GFOD1: variants seen among roughly 807,000 people sequenced by gnomAD.
GFOD1 encodes glucose-fructose oxidoreductase domain-containing protein 1.
A neutral mutation model predicts 25.4 loss-of-function variants in GFOD1; 9 were observed. The observed-to-expected ratio is 0.35, with a 90% CI of 0.21 to 0.62. The LOEUF is 0.62. GFOD1 is among the 20% of genes least tolerant of loss of function. The pLI is 0.72. For synonymous variants in GFOD1, 253 were observed against 245.6 expected (o/e 1.03, Z -0.28); for missense variants, 403 against 556.9 (o/e 0.72, Z 2.78).
chr6:13,469,779 T>A, intron 1 of GFOD1: 1 of 1,139,606 alleles, frequency 8.8e-7, no homozygotes, highest in South Asian at 1.6e-5. Context: ...ATATTTAACC[T>A]CTCTACAGTG....
Position 13,486,822 on chromosome 6 carries a change from G to C in GFOD1, c.69C>G (p.Asp23Glu). ...TARVIIPLLK[D>E]EGFAVKALWG... ...ACAGCGCCTTCACCGCGAAGCCCTC[G>C]TCTTTCAGCAGCGGGATGATGACAC... The change falls in exon 1 of 2, where the codon GAC becomes GAG. Residue 23 changes from aspartate to glutamate, a missense_variant. Transcript: ENST00000379287. 6.2e-7 allele frequency: 1 copy of C among 1,613,832 alleles called. No homozygotes were observed. Among genetic ancestry groups the C allele is most frequent in the Non-Finnish European group, 8.5e-7 (1 of 1,179,990 alleles).
At chr6:13,375,996 C>T (rs1419450324) in intron 1 of GFOD1, among the ~76,000 whole-genome samples, 2 of 152,214 alleles carry the variant, frequency 1.3e-5, no homozygotes, top group Non-Finnish European at 2.9e-5. Context: ...CTCCTTCCAG[C>T]AGGGGCATTC....
chr6:13,475,871 T>C (rs1584674746), intron 1 of GFOD1, among the ~76,000 whole-genome samples: 1 of 149,298 alleles, frequency 6.7e-6, no homozygotes, highest in South Asian at 2.1e-4. Context: ...TTGCAGGGAG[T>C]TGAGATCATG....
chr6:13,367,814 C>T (rs76473511), intron 1 of GFOD1, among the ~76,000 whole-genome samples: 2,041 of 151,292 alleles, frequency 0.013, 38 homozygotes, highest in African/African-American at 0.043. Context: ...ATAAAACAGA[C>T]GCTAGGCAAA....
At chr6:13,438,244 T>C (rs1757863930) in intron 1 of GFOD1, among the ~76,000 whole-genome samples, 1 of 152,216 alleles carries the variant, frequency 6.6e-6, no homozygotes, top group South Asian at 2.1e-4. Context: ...ACAGTTGTGA[T>C]CTTCTGTTAA....
At position 13,410,799 on chromosome 6, in the gene GFOD1, A is replaced by T. The variant is rs906718465; in HGVS notation, c.254-45137T>A. ...TCTGACCAATTTGGATGGAAGGAGA[A>T]AAAGTGAGGAGAAAGAGGAAGAAGG... On this transcript the variant is annotated intron_variant, in intron 1 of 1. Transcript: ENST00000379287. Among the ~76,000 whole-genome samples, 5 of 151,566 alleles carry T rather than the reference A, an allele frequency of 3.3e-5. No homozygotes were observed. In the East Asian group the frequency reaches 9.8e-4, roughly 30 times the overall value.
rs1200542042 is a variant in GFOD1 at position 13,486,977 on chromosome 6, C to A, written c.-87G>T. On this transcript the variant is annotated 5_prime_UTR_variant, in exon 1 of 2. Coordinates refer to ENST00000379287, the MANE Select transcript of GFOD1 (RefSeq NM_018988.4). The stretch of plus-strand genomic sequence containing the variant: ...CCCACCTCTAGCCAGTCCTGCACCC[C>A]GCTCCTGTAGCCAATCTAGCCGCGG... The A allele has an allele frequency of 6.8e-6, 10 of 1,476,064 alleles. No homozygotes were observed. The Admixed American group carries it at 9.9e-5, about 15-fold the overall frequency. 91.4% of individuals were successfully genotyped at this position (1,476,064 alleles called of 1,614,324 possible). A position where few individuals can be genotyped will look rare whatever the true frequency, so the allele number is the denominator to read the frequency against.
At chr6:13,469,339 G>A (rs1758436075) in intron 1 of GFOD1, 1 of 984,906 alleles carries the variant, frequency 1.0e-6, no homozygotes, top group South Asian at 4.7e-5. Flanking sequence ...AATCAACAGA[G>A]AAGTGAAGAT....
intron 1 of GFOD1, among the ~76,000 whole-genome samples, chr6:13,420,437 C>T (rs2127568110): frequency 1.3e-5 from 2 of 152,306 alleles, no homozygotes; most frequent in Non-Finnish European, 2.9e-5. Flanking sequence ...TCATCCCACC[C>T]ACTTCCTAGA....
At chr6:13,414,394 C>A (rs1207596155) in intron 1 of GFOD1, among the ~76,000 whole-genome samples, 1 of 152,244 alleles carries the variant, frequency 6.6e-6, no homozygotes, top group Non-Finnish European at 1.5e-5. Context: ...ATCCAACCAA[C>A]AGAACAAAAC....
In GFOD1 at chr6:13,486,007, T is replaced by G. The variant is rs1584680664; in HGVS notation, c.253+631A>C. 3 of 984,762 alleles carry G rather than the reference T, an allele frequency of 3.0e-6. No homozygotes were observed. The East Asian group carries it at 3.4e-4, about 112-fold the overall frequency. The allele number at this position is 984,762 out of a possible 1,614,324, so 61.0% of individuals were successfully genotyped here. On this transcript the variant is annotated intron_variant, in intron 1 of 1. Coordinates refer to ENST00000379287, the MANE Select transcript of GFOD1 (RefSeq NM_018988.4). ...CCCCATCCAACCACTCCCACCGTCC[T>G]TGCCTCCAGCGCAGACGAAATAATT...
intron 1 of GFOD1, among the ~76,000 whole-genome samples, chr6:13,460,675 G>A (rs921933148): frequency 8.0e-6 from 1 of 125,192 alleles, no homozygotes; most frequent in African/African-American, 2.7e-5. Flanking sequence ...GGGGTGTGGG[G>A]AGAGGGAGTG....
intron 1 of GFOD1, among the ~76,000 whole-genome samples, chr6:13,478,370 C>T (rs1479341820): frequency 7.9e-5 from 12 of 152,192 alleles, no homozygotes; most frequent in African/African-American, 2.9e-4. Flanking sequence ...GAACTCCTGA[C>T]CTCAGGTGAT....
intron 1 of GFOD1, among the ~76,000 whole-genome samples, chr6:13,392,973 G>A (rs2127561656): frequency 6.6e-6 from 1 of 152,060 alleles, no homozygotes. Flanking sequence ...GAGGCAGGAG[G>A]ATTGCTTGAG....
chr6:13,428,851 T>C (rs1466212462), intron 1 of GFOD1, among the ~76,000 whole-genome samples: 1 of 152,218 alleles, frequency 6.6e-6, no homozygotes, highest in Non-Finnish European at 1.5e-5. Context: ...CATTCACTAA[T>C]TCTAGCAAGA....
chr6:13,382,386 T>C (rs553719019), intron 1 of GFOD1, among the ~76,000 whole-genome samples: 2 of 151,550 alleles, frequency 1.3e-5, no homozygotes, highest in East Asian at 3.9e-4. Flanking sequence ...CTCATGATAA[T>C]GTACAAATCT....
chr6:13,413,308 C>G (rs992927712), intron 1 of GFOD1, among the ~76,000 whole-genome samples: 1 of 152,180 alleles, frequency 6.6e-6, no homozygotes, highest in Non-Finnish European at 1.5e-5. Flanking sequence ...AGCAGGCCAC[C>G]CACTTGTGAA....
chr6:13,371,800 A>G (rs1554199195), intron 1 of GFOD1, among the ~76,000 whole-genome samples: 1 of 152,186 alleles, frequency 6.6e-6, no homozygotes, highest in Non-Finnish European at 1.5e-5. Flanking sequence ...GCATCCATCC[A>G]GGACTGTGAA....
At chr6:13,369,616 T>C (rs947051522) in intron 1 of GFOD1, among the ~76,000 whole-genome samples, 13 of 152,156 alleles carry the variant, frequency 8.5e-5, no homozygotes, top group African/African-American at 3.1e-4. Context: ...GAGCTATGAC[T>C]GTGTCACTGC....
Sources: allele counts gnomAD v4.1 joint callset (sites outside exome capture counted in the v4.1 genomes callset), GRCh38; gene constraint gnomAD v4.1.1; transcripts MANE v1.5; gene names NCBI Gene and HGNC (gene_info 2026-07-23, HGNC 2026-07-21).